Variants in BOD1L1 observed in about 807,000 individuals in gnomAD.
The protein encoded by BOD1L1 is biorientation of chromosomes in cell division protein 1-like 1.
In BOD1L1, 86 loss-of-function variants were observed where a neutral mutation model predicts 240.7. The observed-to-expected ratio is 0.36, with a 90% CI of 0.30 to 0.43. BOD1L1 has a LOEUF of 0.43. Ranked by LOEUF, BOD1L1 falls within the 20% of genes least tolerant of loss-of-function variation. The pLI is 1.00. For synonymous variants in BOD1L1, 1,268 were observed against 1,272.3 expected (o/e 1.00, Z 0.07); for missense variants, 3,554 against 3,643.5 (o/e 0.98, Z 0.63).
At chr4:13,625,486 T>C (rs1353410469) in intron 1 of BOD1L1, 1 of 152,170 alleles carries the variant, frequency 6.6e-6, no homozygotes, top group Non-Finnish European at 1.5e-5. Flanking sequence ...CACATACCAA[T>C]AACATTTTGT....
intron 1 of BOD1L1, chr4:13,624,126 A>C (rs1262459874): frequency 6.6e-6 from 1 of 152,032 alleles, no homozygotes; most frequent in Non-Finnish European, 1.5e-5. Context: ...TAACTAAGGG[A>C]GTAGAAGAGA....
At chr4:13,596,984 T>C in intron 11 of BOD1L1, 120 bp downstream of exon 11, 1 of 791,894 alleles carries the variant, frequency 1.3e-6, no homozygotes, top group Non-Finnish European at 2.0e-6. Flanking sequence ...ATAACAACAC[T>C]AAATATCATA....
Position 13,599,370 on chromosome 4 carries a change from C to T in BOD1L1, c.7530G>A (p.Gln2510=). The change falls in exon 10 of 26, where the codon CAG becomes CAA. Residue 2510 remains glutamine (Q), a synonymous_variant. Coordinates refer to ENST00000040738, the MANE Select transcript of BOD1L1 (RefSeq NM_148894.3). ...NSPAHLRGPE[Q]TSGQTAKDPS... is the part of the protein sequence containing the mutation. ...GATCCTTAGCCGTCTGCCCAGACGTCTGTTCTGGTCCTCTCAGGTGGGCAG... is the reference window on the plus strand; with the variant it reads ...GATCCTTAGCCGTCTGCCCAGACGTTTGTTCTGGTCCTCTCAGGTGGGCAG... 6.2e-7 allele frequency: 1 copy of T among 1,613,994 alleles called. No individual in the cohort carries two copies. Among genetic ancestry groups the T allele is most frequent in the Non-Finnish European group, 8.5e-7 (1 of 1,179,884 alleles).
intron 25 of BOD1L1, 132 bp downstream of exon 25, chr4:13,576,706 T>C (rs984122618): frequency 1.6e-6 from 2 of 1,238,960 alleles, no homozygotes; most frequent in African/African-American, 3.1e-5. Flanking sequence ...CTGCTAACAA[T>C]AAAAATGAAA....
intron 25 of BOD1L1, among the ~76,000 whole-genome samples, chr4:13,574,550 C>T (rs1712526066): frequency 6.6e-6 from 1 of 152,182 alleles, no homozygotes; most frequent in African/African-American, 2.4e-5. Flanking sequence ...TAGACACTCA[C>T]TCGAAGATGG....
intron 14 of BOD1L1, 35 bp downstream of exon 14, chr4:13,590,351 T>C (rs937759789): frequency 2.6e-6 from 3 of 1,152,172 alleles, no homozygotes; most frequent in Non-Finnish European, 3.7e-6. Context: ...TTAACTATAA[T>C]ATTAAAACTA....
rs147488691 is a variant in BOD1L1, at chr4:13,590,409, T to C, written c.8186A>G (p.His2729Arg). Residue 2729 changes from histidine (H) to arginine (R), a missense_variant, in exon 14 of 26, where the codon CAT (histidine) becomes CGT (arginine). This residue lies in a region of BOD1L1 where 3,393 missense variants were observed against 3,427.1 expected (regional missense o/e 0.99). Transcript: ENST00000040738. ...ACCTCCTTTGTTATAAGATTCGCTA[T>C]GAATTTCTTCATTTGTTCTGAAGCC... is the stretch of plus-strand genomic sequence containing the variant. ...NSGFRTNEEI[H>R]SESYNKGEIS... is the part of the protein sequence containing the mutation. 1.8e-5 allele frequency: 27 copies of C among 1,516,350 alleles called. No homozygotes were observed. The highest frequency in any genetic ancestry group is 4.6e-5 in the East Asian group (2 of 43,124). The allele number at this position is 1,516,350 out of a possible 1,614,324, so 93.9% of individuals were successfully genotyped here. A position where few individuals can be genotyped will look rare whatever the true frequency, so the allele number is the denominator to read the frequency against.
In BOD1L1 at chr4:13,604,764, A is replaced by G; in HGVS notation, c.2136T>C (p.His712=). 2 of 1,613,326 alleles carry G rather than the reference A, an allele frequency of 1.2e-6. No individual in the cohort carries two copies. The highest frequency in any genetic ancestry group is 8.5e-7 in the Non-Finnish European group (1 of 1,179,682). ...HLKKDDSETP[H]LKSLLKKEVK... ...CCTCTTTCTTAAGTAGGCTTTTCAA[A>G]TGTGGTGTTTCAGAATCATCTTTCT... is the stretch of plus-strand genomic sequence containing the variant. Residue 712 remains histidine (H), a synonymous_variant, in exon 10 of 26, where the codon CAT becomes CAC. Transcript: ENST00000040738.
intron 25 of BOD1L1, chr4:13,572,730 T>C (rs1560174812): frequency 7.8e-7 from 1 of 1,289,558 alleles, no homozygotes; most frequent in Non-Finnish European, 1.0e-6. Context: ...TTACTAACTT[T>C]TTCGCTGGTA....
Position 13,603,559 on chromosome 4 carries a change from A to G in BOD1L1, c.3341T>C (p.Ile1114Thr), listed in dbSNP as rs1715404885. 1 of 1,613,972 alleles carries G rather than the reference A, an allele frequency of 6.2e-7. No homozygotes were observed. The highest frequency in any genetic ancestry group is 2.2e-5 in the East Asian group (1 of 44,876). The change falls in exon 10 of 26, where the codon ATC (isoleucine) becomes ACC (threonine). Residue 1114 changes from isoleucine to threonine, a missense_variant. By Grantham distance (89) the Ile-to-Thr change is moderately conservative. This residue lies in a region of BOD1L1 where 3,393 missense variants were observed against 3,427.1 expected (regional missense o/e 0.99). Transcript: ENST00000040738. The part of the protein sequence containing the change: ...RPKKSGDMTL[I>T]PEQEPMEIDS... ...AATTTCCATTGGCTCTTGTTCAGGG[A>G]TCAATGTCATATCACCACTCTTTTT...
In BOD1L1 at chr4:13,595,868, C is replaced by T. The variant is rs529871800; in HGVS notation, c.8096G>A (p.Ser2699Asn). The part of the protein sequence containing the change: ...PPESLCGGKP[S>N]GIAELQREPL... Reference sequence around the variant, plus strand: ...CATTCTAAAGAGCTCACCTATTCCACTTGGCTTTCCCCCACACAGACTTTC... The same window carrying T: ...CATTCTAAAGAGCTCACCTATTCCATTTGGCTTTCCCCCACACAGACTTTC... The change falls in exon 12 of 26, where the codon AGT becomes AAT. Residue 2699 changes from serine to asparagine, a missense_variant. This residue lies in a region of BOD1L1 where 3,393 missense variants were observed against 3,427.1 expected (regional missense o/e 0.99). Coordinates refer to ENST00000040738, the MANE Select transcript of BOD1L1 (RefSeq NM_148894.3). The T allele has an allele frequency of 4.3e-6, 7 of 1,613,550 alleles. No individual in the cohort carries two copies. In the South Asian group the frequency reaches 7.7e-5, roughly 18 times the overall value.
chr4:13,589,656 T>C (rs546089853), intron 14 of BOD1L1, among the ~76,000 whole-genome samples: 3 of 152,204 alleles, frequency 2.0e-5, no homozygotes, highest in African/African-American at 7.2e-5. Flanking sequence ...AGGAAAGAGA[T>C]TGGGATTGGG....
At chr4:13,575,525 T>C (rs1577307304) in intron 25 of BOD1L1, among the ~76,000 whole-genome samples, 1 of 151,670 alleles carries the variant, frequency 6.6e-6, no homozygotes, top group East Asian at 2.0e-4. Flanking sequence ...GGACTACAGG[T>C]GCATGCCACC....
chr4:13,613,719 A>G lies in BOD1L1; in HGVS notation c.1175-58T>C. The G allele has an allele frequency of 1.5e-6, 2 of 1,322,964 alleles. No homozygotes were observed. The highest frequency in any genetic ancestry group is 2.0e-6 in the Non-Finnish European group (2 of 997,116). The allele number at this position is 1,322,964 out of a possible 1,614,324, so 82.0% of individuals were successfully genotyped here. A position where few individuals can be genotyped will look rare whatever the true frequency, so the allele number is the denominator to read the frequency against. ...ATCATCTTATTATAAGAACATACTCAGAGCTCAATTACTAAATTACACTTA... is the reference window on the plus strand; with the variant it reads ...ATCATCTTATTATAAGAACATACTCGGAGCTCAATTACTAAATTACACTTA... On this transcript the variant is annotated intron_variant, in intron 4 of 25. Coordinates refer to ENST00000040738, the MANE Select transcript of BOD1L1 (RefSeq NM_148894.3). This position sits in a 1 kb window ranked among gnomAD's most constrained non-coding sequence, Gnocchi z 4.0.
intron 2 of BOD1L1, among the ~76,000 whole-genome samples, chr4:13,618,117 T>G (rs1291681831): frequency 1.3e-5 from 2 of 152,214 alleles, no homozygotes; most frequent in African/African-American, 4.8e-5. Flanking sequence ...TGCTTAATTT[T>G]CACATGTGTA....
chr4:13,611,628 T>C (rs942279961), intron 5 of BOD1L1, among the ~76,000 whole-genome samples: 4 of 152,242 alleles, frequency 2.6e-5, no homozygotes, highest in Non-Finnish European at 1.5e-5. Context: ...GGGCTTCAGT[T>C]TGCCTTTGTA....
intron 25 of BOD1L1, 149 bp downstream of exon 25, chr4:13,576,689 G>A: frequency 9.9e-7 from 1 of 1,005,384 alleles, no homozygotes; most frequent in Non-Finnish European, 1.4e-6. Flanking sequence ...CAAGAACTAT[G>A]TGCCCACTGC....
chr4:13,577,416 T>C lies in BOD1L1; in HGVS notation c.8871A>G (p.Val2957=). The C allele has an allele frequency of 6.2e-7, 1 of 1,613,694 alleles. No individual in the cohort carries two copies. The highest frequency in any genetic ancestry group is 8.5e-7 in the Non-Finnish European group (1 of 1,179,728). ...RGRKPKRSLT[V]SDDAESSEPE... The stretch of plus-strand genomic sequence containing the variant: ...CTAGAAACATACCAGCATCATCTGA[T>C]ACAGTGAGAGAACGTTTGGGTTTTC... Residue 2957 remains valine, a synonymous_variant, in exon 24 of 26, where the codon GTA becomes GTG. Transcript: ENST00000040738.
rs776557839 is a variant in BOD1L1, at chr4:13,603,258, G to T, written c.3642C>A (p.Ser1214=). 2 of 1,613,864 alleles carry T rather than the reference G, an allele frequency of 1.2e-6. No individual in the cohort carries two copies. Among genetic ancestry groups the T allele is most frequent in the East Asian group, 4.5e-5 (2 of 44,882 alleles). The change falls in exon 10 of 26, where the codon TCC becomes TCA. Residue 1214 remains serine (S), a synonymous_variant. Transcript: ENST00000040738. ...TKKMHIQSAV[S]KMNPGEKEPI... ...GTTCTTTCTCCCCAGGGTTCATTTT[G>T]GACACAGCACTTTGTATATGCATTT...
Sources: gnomAD v4.1 joint callset for allele counts (sites outside exome capture counted in the v4.1 genomes callset) on GRCh38, gnomAD v4.1.1 for gene constraint, gnomAD v4.1.1 regional missense constraint, Gnocchi (gnomAD v3.1) non-coding constraint, MANE v1.5 for transcripts, NCBI Gene and HGNC (gene_info 2026-07-23, HGNC 2026-07-21) for gene names.